ADAMTS20: variants seen among roughly 807,000 people sequenced by gnomAD.
The protein encoded by ADAMTS20 is ADAM metallopeptidase with thrombospondin type 1 motif 20, also known as A disintegrin and metalloproteinase with thrombospondin motifs 20.
In ADAMTS20, 225 loss-of-function variants were observed where a neutral mutation model predicts 260.1. The observed-to-expected ratio is 0.87, with a 90% CI of 0.78 to 0.97. The LOEUF is 0.97. ADAMTS20 is among the 50% of genes least tolerant of loss of function. The pLI is 0.00. For missense variants in ADAMTS20, 2,400 were observed against 2,337.7 expected (o/e 1.03, Z -0.55); for synonymous variants, 802 against 769.5 (o/e 1.04, Z -0.70).
intron 28 of ADAMTS20, among the ~76,000 whole-genome samples, chr12:43,410,151 T>A (rs549664673): frequency 3.3e-5 from 5 of 152,122 alleles, no homozygotes; most frequent in Admixed American, 3.3e-4. Context: ...AGTGTTTTAG[T>A]ATGAGAGGGT....
chr12:43,384,719 T>A (rs1053534067), intron 29 of ADAMTS20, among the ~76,000 whole-genome samples: 2 of 152,180 alleles, frequency 1.3e-5, no homozygotes, highest in African/African-American at 4.8e-5. Context: ...GGTTTTCTGT[T>A]CCTGTGTTAG....
rs189462587 is a variant in ADAMTS20 at position 43,526,687 on chromosome 12, A to G, written c.613+5349T>C. Among the ~76,000 whole-genome samples, 1,249 of 152,332 alleles carry G rather than the reference A, an allele frequency of 8.2e-3. 18 individuals are homozygous for G. The highest frequency in any genetic ancestry group is 0.028 in the African/African-American group (1,154 of 41,568). ...AAAATCTTTGGGACAGGGCAAAAGT[A>G]GTGCTAAGAGGAATGTTTATTGCAC... On this transcript the variant is annotated intron_variant, in intron 3 of 38. Coordinates refer to ENST00000389420, the MANE Select transcript of ADAMTS20 (RefSeq NM_025003.5).
At chr12:43,496,830 C>G (rs4466899) in intron 4 of ADAMTS20, among the ~76,000 whole-genome samples, 1 of 152,018 alleles carries the variant, frequency 6.6e-6, no homozygotes, top group Non-Finnish European at 1.5e-5. Flanking sequence ...CTTGAATAGG[C>G]TAACACACAT....
At chr12:43,450,437 A>G (rs1941844247) in intron 14 of ADAMTS20, among the ~76,000 whole-genome samples, 1 of 152,176 alleles carries the variant, frequency 6.6e-6, no homozygotes, top group Non-Finnish European at 1.5e-5. Flanking sequence ...ATGCCTCTAT[A>G]TGTTCAGATA....
chr12:43,365,724 T>C (rs1391914074), intron 37 of ADAMTS20, among the ~76,000 whole-genome samples: 1 of 151,994 alleles, frequency 6.6e-6, no homozygotes, highest in Non-Finnish European at 1.5e-5. Context: ...TTATAAATGG[T>C]ATATGTATAA....
chr12:43,481,592 A>G (rs946129454), intron 7 of ADAMTS20, among the ~76,000 whole-genome samples: 1 of 152,258 alleles, frequency 6.6e-6, no homozygotes. Flanking sequence ...TACAAGTGAA[A>G]CTATGAGAAT....
intron 14 of ADAMTS20, among the ~76,000 whole-genome samples, chr12:43,450,176 AAAATGAATGAAT>A (rs79150222): frequency 0.12 from 18,091 of 152,096 alleles, 1,226 homozygotes; most frequent in Admixed American, 0.22. Context: ...CTTATTTTTA[AAAATGAATGAAT>A]AAATGAATGA....
chr12:43,379,866 C>G (rs1333034395), intron 31 of ADAMTS20, among the ~76,000 whole-genome samples: 1 of 151,936 alleles, frequency 6.6e-6, no homozygotes, highest in Non-Finnish European at 1.5e-5. Context: ...AGCCCAGGAC[C>G]AAATGCTTAA....
intron 2 of ADAMTS20, among the ~76,000 whole-genome samples, chr12:43,532,714 C>T (rs1404021081): frequency 2.0e-4 from 17 of 86,042 alleles, no homozygotes; most frequent in Non-Finnish European, 3.0e-4. Flanking sequence ...CTCCCCCGAC[C>T]CCACCACAGT....
intron 2 of ADAMTS20, among the ~76,000 whole-genome samples, chr12:43,536,794 G>A (rs1298292257): frequency 2.0e-5 from 3 of 152,120 alleles, no homozygotes; most frequent in Non-Finnish European, 2.9e-5. Flanking sequence ...CACTAATTAC[G>A]CTTCACAGAA....
At chr12:43,460,940 G>T (rs114095789) in intron 11 of ADAMTS20, among the ~76,000 whole-genome samples, 1,300 of 127,842 alleles carry the variant, frequency 0.01, 18 homozygotes, top group African/African-American at 0.035. Flanking sequence ...AAGGAGAGTT[G>T]CCTAGATAAG....
At chr12:43,417,974 T>C (rs1941162515) in intron 28 of ADAMTS20, among the ~76,000 whole-genome samples, 1 of 152,072 alleles carries the variant, frequency 6.6e-6, no homozygotes, top group Admixed American at 6.5e-5. Flanking sequence ...AGATGAGGAG[T>C]GCCAGGAGGA....
intron 7 of ADAMTS20, among the ~76,000 whole-genome samples, chr12:43,476,950 C>G (rs1942364609): frequency 7.3e-6 from 1 of 137,284 alleles, no homozygotes; most frequent in Admixed American, 7.9e-5. Context: ...ACATATGTAA[C>G]TAACCTGCAC....
chr12:43,523,152 T>TCCAGGAAATACACCCCCA (rs1943094837), intron 3 of ADAMTS20, among the ~76,000 whole-genome samples: 2 of 152,062 alleles, frequency 1.3e-5, no homozygotes, highest in Non-Finnish European at 2.9e-5. Context: ...AGAGACTGCC[T>TCCAGGAAATACACCCCCA]CCAGGAAATA....
intron 28 of ADAMTS20, among the ~76,000 whole-genome samples, chr12:43,422,578 A>C (rs1941256579): frequency 6.6e-6 from 1 of 152,090 alleles, no homozygotes; most frequent in South Asian, 2.1e-4. Flanking sequence ...TAAGTACTTC[A>C]TACATATAAA....
intron 19 of ADAMTS20, among the ~76,000 whole-genome samples, chr12:43,433,281 T>C (rs1190871145): frequency 6.6e-6 from 1 of 152,222 alleles, no homozygotes; most frequent in Non-Finnish European, 1.5e-5. Flanking sequence ...CTGTAATCTA[T>C]ATTTAGACAT....
intron 38 of ADAMTS20, 64 bp downstream of exon 38, chr12:43,356,420 C>T: frequency 9.5e-7 from 1 of 1,054,852 alleles, no homozygotes; most frequent in East Asian, 2.6e-5. Flanking sequence ...AGGTAGAGAA[C>T]CTTTAATGCT....
rs181005072 is a variant in ADAMTS20 at position 43,399,278 on chromosome 12, T to G, written c.4285-45A>C. On this transcript the variant is annotated intron_variant, in intron 28 of 38. Transcript: ENST00000389420. ...GCACTTGATTCATTTTCTTCTTGAT[T>G]AATTTAAGCTTATCTTAAAGAAGTA... 349 of 1,360,500 alleles carry G rather than the reference T, an allele frequency of 2.6e-4. 2 individuals are homozygous for G. In the African/African-American group the frequency reaches 4.9e-3, roughly 19 times the overall value. The allele number at this position is 1,360,500 out of a possible 1,614,324, so 84.3% of individuals were successfully genotyped here. A position where few individuals can be genotyped will look rare whatever the true frequency, so the allele number is the denominator to read the frequency against.
intron 28 of ADAMTS20, among the ~76,000 whole-genome samples, chr12:43,408,966 A>G (rs1342738872): frequency 6.6e-6 from 1 of 152,180 alleles, no homozygotes; most frequent in African/African-American, 2.4e-5. Flanking sequence ...ATAATGTATG[A>G]AGAAACCTGA....
Sources: allele counts gnomAD v4.1 joint callset (sites outside exome capture counted in the v4.1 genomes callset), GRCh38; gene constraint gnomAD v4.1.1; transcripts MANE v1.5; gene names NCBI Gene and HGNC (gene_info 2026-07-23, HGNC 2026-07-21).